RCC1L: variants seen among roughly 807,000 people sequenced by gnomAD.
RCC1L encodes RCC1 like, also known as RCC1-like G exchanging factor-like protein.
In RCC1L, 46 loss-of-function variants were observed where a neutral mutation model predicts 58.6. That is an observed-to-expected ratio of 0.79 (90% CI 0.62 to 1.00). RCC1L has a LOEUF of 1.00. RCC1L is among the 50% of genes least tolerant of loss of function. The probability of loss-of-function intolerance (pLI) is 0.00; values close to 1 mark genes in which losing one functional copy is unlikely to be tolerated. For missense variants in RCC1L, 636 were observed against 623.6 expected (o/e 1.02, Z -0.21); for synonymous variants, 281 against 262.9 (o/e 1.07, Z -0.67).
chr7:75,035,318 A>G (rs1805412504), intron 10 of RCC1L, among the ~76,000 whole-genome samples: 1 of 152,194 alleles, frequency 6.6e-6, no homozygotes, highest in African/African-American at 2.4e-5. Flanking sequence ...GGCATGAGCC[A>G]CCGCGCCCGG....
intron 8 of RCC1L, 109 bp downstream of exon 8, chr7:75,057,420 T>C (rs1292590909): frequency 4.4e-6 from 5 of 1,139,262 alleles, no homozygotes; most frequent in Non-Finnish European, 6.6e-6. Context: ...CCCAGCCATG[T>C]TACCCTCCTA....
downstream of RCC1L, among the ~76,000 whole-genome samples, chr7:75,042,008 A>G (rs1249583400): frequency 1.3e-5 from 2 of 152,298 alleles, no homozygotes; most frequent in Admixed American, 6.5e-5. Flanking sequence ...GCTTGAGGCC[A>G]GGGGTTGGAG....
chr7:75,038,568 C>G (rs2131972021), downstream of RCC1L, among the ~76,000 whole-genome samples: 1 of 151,004 alleles, frequency 6.6e-6, no homozygotes, highest in African/African-American at 2.4e-5. Context: ...GTGTTCATTC[C>G]TACTCCATGG....
chr7:75,060,683 G>T (rs983791144), intron 6 of RCC1L, among the ~76,000 whole-genome samples: 21 of 152,002 alleles, frequency 1.4e-4, no homozygotes, highest in African/African-American at 4.8e-4. Flanking sequence ...CGCCCACCTC[G>T]GCCTCCCAAA....
At position 75,028,944 on chromosome 7, in the gene RCC1L, G is replaced by A. The variant is rs946868325; in HGVS notation, c.1318-865C>T. 4.5e-3 allele frequency among the ~76,000 whole-genome samples: 682 copies of A among 152,338 alleles called. 3 individuals are homozygous for A. The highest frequency in any genetic ancestry group is 6.8e-3 in the Middle Eastern group (2 of 294). ...CTCACCTCCAGGCACCAGGCTGCTG[G>A]TGGGAAAGGAAGGAGCTGGGGGATC... On this transcript the variant is annotated intron_variant, in intron 10 of 10. Transcript: ENST00000614461.
downstream of RCC1L, among the ~76,000 whole-genome samples, chr7:75,037,693 T>C (rs1194030735): frequency 6.6e-6 from 1 of 151,816 alleles, no homozygotes; most frequent in Admixed American, 6.6e-5. Flanking sequence ...TTAGTACAGA[T>C]GGGGTTTCAC....
At chr7:75,058,191 C>T (rs1413236801) in intron 7 of RCC1L, 10 of 228,376 alleles carry the variant, frequency 4.4e-5, no homozygotes, top group Admixed American at 5.9e-5. Flanking sequence ...CCTGCCTTGG[C>T]CTCCCAAAGC....
Position 75,066,255 on chromosome 7 carries a change from T to G in RCC1L, c.583+409A>C, listed in dbSNP as rs188766334. On this transcript the variant is annotated intron_variant, in intron 3 of 10. Coordinates refer to ENST00000610322, the MANE Select transcript of RCC1L (RefSeq NM_030798.5). ...TCACGAGGTCAGGAGATTGAGACCA[T>G]CCTGGCTAACATGGTGAAACCCCGT... Among the ~76,000 whole-genome samples, 180 of 151,604 alleles carry G rather than the reference T, an allele frequency of 1.2e-3. 1 individual carries two copies. The highest frequency in any genetic ancestry group is 4.3e-3 in the African/African-American group (177 of 41,332).
At chr7:75,052,597 G>A (rs1805946464) in intron 10 of RCC1L, 114 bp downstream of exon 10, 1 of 962,176 alleles carries the variant, frequency 1.0e-6, no homozygotes, top group Admixed American at 2.1e-5. Context: ...ACCCGGAAGG[G>A]GGAGCAGGTC....
chr7:75,044,368 A>G (rs1554442595), intron 10 of RCC1L, among the ~76,000 whole-genome samples: 1 of 150,498 alleles, frequency 6.6e-6, no homozygotes, highest in Admixed American at 6.6e-5. Flanking sequence ...TGGGAGGCTG[A>G]GGTGGACTCC....
At chr7:75,043,538 T>C (rs1040121861) in intron 10 of RCC1L, among the ~76,000 whole-genome samples, 1 of 152,116 alleles carries the variant, frequency 6.6e-6, no homozygotes, top group Non-Finnish European at 1.5e-5. Flanking sequence ...TGTTCAGAGA[T>C]CTCTCCTGGG....
chr7:75,027,894 G>A, exon 11 of RCC1L: 2 of 972,604 alleles, frequency 2.1e-6, no homozygotes, highest in East Asian at 5.2e-5. Flanking sequence ...TTGTCCCCCA[G>A]CTATCTCCTG....
At chr7:75,064,510 C>T in intron 4 of RCC1L, 72 bp downstream of exon 4, 1 of 1,579,278 alleles carries the variant, frequency 6.3e-7, no homozygotes, top group Middle Eastern at 1.7e-4. Context: ...GCGGGTTTAC[C>T]ACAGTCATCT....
chr7:75,063,419 C>T, intron 4 of RCC1L, 76 bp from the exon 5 acceptor site: 1 of 1,475,064 alleles, frequency 6.8e-7, no homozygotes, highest in Non-Finnish European at 9.5e-7. Context: ...TCCCTGTCAC[C>T]CCAACTGATG....
intron 3 of RCC1L, 40 bp downstream of exon 3, chr7:75,066,624 T>A: frequency 6.2e-7 from 1 of 1,606,862 alleles, no homozygotes; most frequent in Non-Finnish European, 8.5e-7. Context: ...AGTGAAATGG[T>A]CCCTGCACTC....
At chr7:75,056,149 C>T in intron 8 of RCC1L, 75 bp from the exon 9 acceptor site, 2 of 1,554,394 alleles carry the variant, frequency 1.3e-6, no homozygotes, top group Non-Finnish European at 8.9e-7. Context: ...TCAAACTACA[C>T]CACCAAGGTT....
chr7:75,038,549 C>T (rs1278040888), downstream of RCC1L, among the ~76,000 whole-genome samples: 3 of 147,244 alleles, frequency 2.0e-5, no homozygotes, highest in Admixed American at 6.8e-5. Context: ...TTTTTTGGCG[C>T]GCAGACCAGT....
chr7:75,067,804 C>T (rs587686449), intron 2 of RCC1L, among the ~76,000 whole-genome samples: 14 of 152,092 alleles, frequency 9.2e-5, no homozygotes, highest in Non-Finnish European at 1.5e-4. Flanking sequence ...GTGATCATGA[C>T]ACTGCACTCC....
At chr7:75,066,020 A>AG (rs1391065689) in intron 3 of RCC1L, among the ~76,000 whole-genome samples, 1 of 150,826 alleles carries the variant, frequency 6.6e-6, no homozygotes, top group East Asian at 1.9e-4. Context: ...TCTGTCTCAA[A>AG]AAAAAAAAAA....
Sources: allele counts gnomAD v4.1 joint callset (sites outside exome capture counted in the v4.1 genomes callset), GRCh38; gene constraint gnomAD v4.1.1; transcripts MANE v1.5; gene names NCBI Gene and HGNC (gene_info 2026-07-23, HGNC 2026-07-21).